The following KCNIP4 variants were observed in gnomAD, a reference collection of about 807,000 sequenced individuals.
KCNIP4 encodes the protein potassium voltage-gated channel interacting protein 4.
In KCNIP4, 12 loss-of-function variants were observed where a neutral mutation model predicts 34.0. The ratio of observed to expected loss-of-function variants is 0.35; its 90% CI spans 0.23 to 0.57. The LOEUF (loss-of-function observed/expected upper bound fraction) is 0.57, where lower values mean the gene tolerates loss of function less well. Ranked by LOEUF, KCNIP4 falls within the 20% of genes least tolerant of loss-of-function variation. The probability of loss-of-function intolerance (pLI) is 0.83; values close to 1 mark genes in which losing one functional copy is unlikely to be tolerated. For missense variants in KCNIP4, 238 were observed against 311.7 expected (o/e 0.76, Z 1.78); for synonymous variants, 124 against 102.2 (o/e 1.21, Z -1.29).
At chr4:21,258,821 A>C (rs1761256515) in intron 1 of KCNIP4, among the ~76,000 whole-genome samples, 1 of 152,188 alleles carries the variant, frequency 6.6e-6, no homozygotes. Flanking sequence ...AAACATTCCT[A>C]CATTTGCATA....
At chr4:21,461,197 G>T (rs1344612689) in intron 1 of KCNIP4, among the ~76,000 whole-genome samples, 1 of 151,918 alleles carries the variant, frequency 6.6e-6, no homozygotes, top group Non-Finnish European at 1.5e-5. Context: ...GTTTAAAAGT[G>T]TTCAGCATTC....
At chr4:21,519,734 A>G (rs189318841) in intron 1 of KCNIP4, among the ~76,000 whole-genome samples, 25 of 115,768 alleles carry the variant, frequency 2.2e-4, no homozygotes, top group East Asian at 6.4e-4. Context: ...ACGTGTGTAT[A>G]TGTATGATAC....
intron 1 of KCNIP4, among the ~76,000 whole-genome samples, chr4:21,495,889 AGAAGTAACTG>A (rs1472240605): frequency 2.0e-5 from 3 of 152,236 alleles, no homozygotes; most frequent in African/African-American, 7.2e-5. Flanking sequence ...TGTCAGCATC[AGAAGTAACTG>A]GAAGTACCAG....
intron 1 of KCNIP4, among the ~76,000 whole-genome samples, chr4:21,054,055 C>CAAAATGTAGATAT (rs1743178559): frequency 1.4e-5 from 1 of 70,784 alleles, no homozygotes; most frequent in African/African-American, 8.1e-5. Flanking sequence ...AATGTAGATA[C>CAAAATGTAGATAT]TGACAAAATG....
intron 1 of KCNIP4, among the ~76,000 whole-genome samples, chr4:21,948,364 C>T (rs1203795643): frequency 1.3e-5 from 2 of 152,060 alleles, no homozygotes; most frequent in Non-Finnish European, 2.9e-5. Context: ...TTTTCTTCCC[C>T]GACCTGGATC....
chr4:21,054,082 A>G (rs1743181882), intron 1 of KCNIP4, among the ~76,000 whole-genome samples: 1 of 128,780 alleles, frequency 7.8e-6, no homozygotes, highest in Admixed American at 7.7e-5. Context: ...CATAATATTG[A>G]CAAAATGTCA....
chr4:21,002,988 G>A (rs889921261), intron 1 of KCNIP4, among the ~76,000 whole-genome samples: 1 of 152,122 alleles, frequency 6.6e-6, no homozygotes, highest in Non-Finnish European at 1.5e-5. Context: ...AAAGATTTGA[G>A]TATCATTTTC....
At chr4:21,247,762 ACCC>A (rs1760360572) in intron 1 of KCNIP4, among the ~76,000 whole-genome samples, 1 of 119,000 alleles carries the variant, frequency 8.4e-6, no homozygotes, top group Non-Finnish European at 1.7e-5. Flanking sequence ...ATATATATAC[ACCC>A]CACAGGTGTT....
At chr4:21,835,699 T>C (rs1243513613) in intron 1 of KCNIP4, among the ~76,000 whole-genome samples, 1 of 152,166 alleles carries the variant, frequency 6.6e-6, no homozygotes, top group Non-Finnish European at 1.5e-5. Context: ...CCCAGAGTTC[T>C]TTTCTGAAGA....
chr4:20,877,774 GCAGT>G (rs1724220387), intron 2 of KCNIP4, among the ~76,000 whole-genome samples: 1 of 151,988 alleles, frequency 6.6e-6, no homozygotes. Flanking sequence ...CTCAAATCTT[GCAGT>G]CAGACAGTAA....
intron 1 of KCNIP4, among the ~76,000 whole-genome samples, chr4:21,686,689 A>AT (rs1206303317): frequency 1.3e-5 from 2 of 152,330 alleles, no homozygotes; most frequent in African/African-American, 2.4e-5. Context: ...ATCTATAACC[A>AT]TTTTTTATGA....
intron 1 of KCNIP4, among the ~76,000 whole-genome samples, chr4:21,589,200 A>ATG (rs5856648): frequency 5.1e-4 from 17 of 33,110 alleles, no homozygotes; most frequent in Admixed American, 1.0e-3. Flanking sequence ...ATATATATAT[A>ATG]TGTGTACATA....
intron 1 of KCNIP4, among the ~76,000 whole-genome samples, chr4:21,525,648 T>C (rs544083590): frequency 2.6e-5 from 4 of 152,266 alleles, no homozygotes; most frequent in East Asian, 1.9e-4. Context: ...ATGTTATCAC[T>C]AGGGTAATAA....
chr4:21,346,624 A>G (rs1717452057), intron 1 of KCNIP4, among the ~76,000 whole-genome samples: 1 of 151,978 alleles, frequency 6.6e-6, no homozygotes, highest in Non-Finnish European at 1.5e-5. Context: ...AAGGATCTTT[A>G]TGCTTCACTC....
At chr4:21,234,168 T>C (rs1420639278) in intron 1 of KCNIP4, among the ~76,000 whole-genome samples, 1 of 115,328 alleles carries the variant, frequency 8.7e-6, no homozygotes, top group African/African-American at 3.9e-5. Flanking sequence ...ACGTATATTA[T>C]ATATAACATA....
At position 21,538,731 on chromosome 4, in the gene KCNIP4, C is replaced by T. The variant is rs1032337187; in HGVS notation, c.61+409840G>A. Among the ~76,000 whole-genome samples the T allele has an allele frequency of 4.6e-5, 7 of 152,290 alleles. No individual in the cohort carries two copies. The South Asian group carries it at 1.5e-3, about 32-fold the overall frequency. On this transcript the variant is annotated intron_variant, in intron 1 of 8. Transcript: ENST00000382152. ...AGTGGTTTTATTAAGACTTGTGTTT[C>T]GGCATCTGAGCTATGTGAAATCTCA...
intron 3 of KCNIP4, among the ~76,000 whole-genome samples, chr4:20,768,915 C>A (rs1755636508): frequency 6.6e-6 from 1 of 152,086 alleles, no homozygotes; most frequent in African/African-American, 2.4e-5. Flanking sequence ...GACCAAGATT[C>A]AATTCAGCTG....
At chr4:21,931,848 C>T (rs910319057) in intron 1 of KCNIP4, among the ~76,000 whole-genome samples, 3 of 152,094 alleles carry the variant, frequency 2.0e-5, no homozygotes, top group South Asian at 2.1e-4. Flanking sequence ...CCTGAGGAAT[C>T]GCCACACTGA....
At chr4:21,503,834 A>C (rs1733568508) in intron 1 of KCNIP4, among the ~76,000 whole-genome samples, 1 of 152,204 alleles carries the variant, frequency 6.6e-6, no homozygotes, top group African/African-American at 2.4e-5. Context: ...ATTTCATGAG[A>C]GCAGTGTCTT....
Sources: allele counts gnomAD v4.1 joint callset (sites outside exome capture counted in the v4.1 genomes callset), GRCh38; gene constraint gnomAD v4.1.1; transcripts MANE v1.5; gene names NCBI Gene and HGNC (gene_info 2026-07-23, HGNC 2026-07-21).